The following ESYT2 variants were observed in gnomAD, a reference collection of about 807,000 sequenced individuals.
ESYT2 encodes the protein extended synaptotagmin 2.
In ESYT2, 54 loss-of-function variants were observed where a neutral mutation model predicts 107.2. The ratio of observed to expected loss-of-function variants is 0.50; its 90% confidence interval spans 0.40 to 0.63. The LOEUF (loss-of-function observed/expected upper bound fraction) is 0.63. ESYT2 is among the 30% of genes least tolerant of loss of function. The pLI, the probability that ESYT2 is intolerant of heterozygous loss-of-function variation, is 0.00. For synonymous variants in ESYT2, 491 were observed against 434.1 expected, an observed-to-expected ratio of 1.13 and a Z score of -1.63; for missense variants, 1,020 against 1,094.5, an observed-to-expected ratio of 0.93 and a Z score of 0.96.
chr7:158,745,207 CTAA>C (rs1462638216), intron 16 of ESYT2, among the ~76,000 whole-genome samples: 2 of 110,514 alleles, frequency 1.8e-5, no homozygotes, highest in Non-Finnish European at 4.4e-5. Context: ...ACTCACCTAT[CTAA>C]TGAGACAGGG....
intron 1 of ESYT2, among the ~76,000 whole-genome samples, chr7:158,805,422 G>T (rs1356207337): frequency 1.3e-5 from 2 of 152,258 alleles, no homozygotes; most frequent in East Asian, 3.9e-4. Context: ...AGGTAGAGAG[G>T]AATCTAAAAA....
chr7:158,780,792 G>T (rs1838751571), intron 6 of ESYT2, among the ~76,000 whole-genome samples: 2 of 152,204 alleles, frequency 1.3e-5, no homozygotes, highest in South Asian at 4.1e-4. Context: ...AAGAAAGAAG[G>T]CACCAGGCAA....
chr7:158,819,444 A>G (rs926985381), intron 1 of ESYT2, among the ~76,000 whole-genome samples: 12 of 152,248 alleles, frequency 7.9e-5, no homozygotes, highest in African/African-American at 2.7e-4. Context: ...ATCAGACATC[A>G]TTTAAATAAA....
At chr7:158,754,935 CTCAG>C (rs1837701934) in intron 13 of ESYT2, among the ~76,000 whole-genome samples, 1 of 152,124 alleles carries the variant, frequency 6.6e-6, no homozygotes, top group African/African-American at 2.4e-5. Flanking sequence ...CTGGAAAGTG[CTCAG>C]TAAGTATGCT....
rs1480720705 is a variant in ESYT2 at position 158,791,040 on chromosome 7, C to T, written c.584+2610G>A. ...CATAACGTGCAACCATCACCACCAT[C>T]CGTCTCCGGACCATTTTTCAACTTG... On this transcript the variant is annotated intron_variant, in intron 4 of 22. Transcript: ENST00000275418. Among the ~76,000 whole-genome samples, 3 of 152,304 alleles carry T rather than the reference C, an allele frequency of 2.0e-5. No homozygotes were observed. In the South Asian group the frequency reaches 6.2e-4, roughly 32 times the overall value.
intron 20 of ESYT2, 27 bp downstream of exon 20, chr7:158,737,021 T>C: frequency 6.2e-7 from 1 of 1,610,898 alleles, no homozygotes; most frequent in Non-Finnish European, 8.5e-7. Flanking sequence ...CCGGGCAGTC[T>C]ATCCTCAGCT....
At chr7:158,747,496 G>A (rs1345622577) in intron 16 of ESYT2, among the ~76,000 whole-genome samples, 1 of 152,062 alleles carries the variant, frequency 6.6e-6, no homozygotes, top group Non-Finnish European at 1.5e-5. Flanking sequence ...ATAAAAAGGT[G>A]CTCAACGTCA....
intron 1 of ESYT2, among the ~76,000 whole-genome samples, chr7:158,800,917 T>C (rs1839622436): frequency 6.6e-6 from 1 of 152,044 alleles, no homozygotes; most frequent in South Asian, 2.1e-4. Context: ...TTAGTAGAGA[T>C]GGGGTTTCAC....
intron 6 of ESYT2, among the ~76,000 whole-genome samples, chr7:158,785,357 G>A (rs978214165): frequency 6.6e-6 from 1 of 151,978 alleles, no homozygotes; most frequent in Admixed American, 6.6e-5. Flanking sequence ...CCCAGGAGGT[G>A]GAGGTTGCGG....
rs1839970634 is a variant in ESYT2, at chr7:158,810,708, A to G, written c.331-11636T>C. Among the ~76,000 whole-genome samples, 3 of 151,900 alleles carry G rather than the reference A, an allele frequency of 2.0e-5. No individual in the cohort carries two copies. The South Asian group carries it at 6.2e-4, about 32-fold the overall frequency. ...GGGGGGAAAAAAAAAGGCTCATCAT[A>G]AAGACTACATGTTATAATATTTCAT... On this transcript the variant is annotated intron_variant, in intron 1 of 22. Coordinates refer to ENST00000275418, the MANE Select transcript of ESYT2 (RefSeq NM_001367773.1).
Position 158,787,990 on chromosome 7 carries a change from A to G in ESYT2, c.747+14T>C. ...CCAAATGGGAAAATAAAAATGAAAT[A>G]AATATTGACTTACTGGTTTCCTAAG... On this transcript the variant is annotated intron_variant, in intron 6 of 22. Transcript: ENST00000275418. 1 of 1,601,292 alleles carries G rather than the reference A, an allele frequency of 6.2e-7. No homozygotes were observed. The highest frequency in any genetic ancestry group is 8.6e-7 in the Non-Finnish European group (1 of 1,168,864).
chr7:158,781,780 CAA>C (rs933959149), intron 6 of ESYT2, among the ~76,000 whole-genome samples: 1 of 150,838 alleles, frequency 6.6e-6, no homozygotes, highest in African/African-American at 2.4e-5. Flanking sequence ...AGAACGAGAA[CAA>C]GTGTGAACGA....
intron 6 of ESYT2, among the ~76,000 whole-genome samples, chr7:158,782,032 C>T (rs1189213): frequency 0.81 from 122,175 of 150,004 alleles, 50,365 homozygotes; most frequent in Non-Finnish European, 0.89. Context: ...GGTGTAAGTG[C>T]AAGAACGAGA....
At chr7:158,804,748 A>T (rs1839775801) in intron 1 of ESYT2, among the ~76,000 whole-genome samples, 1 of 151,964 alleles carries the variant, frequency 6.6e-6, no homozygotes, top group Non-Finnish European at 1.5e-5. Context: ...TGATAAACCC[A>T]AACTGCCGAG....
chr7:158,762,726 G>A (rs904051570), intron 10 of ESYT2, among the ~76,000 whole-genome samples: 22 of 152,216 alleles, frequency 1.4e-4, no homozygotes, highest in African/African-American at 5.1e-4. Flanking sequence ...TTTGCAATCT[G>A]GAATAGAACT....
intron 1 of ESYT2, 74 bp from the exon 2 acceptor site, chr7:158,799,146 A>C: frequency 5.3e-6 from 7 of 1,330,196 alleles, no homozygotes; most frequent in Non-Finnish European, 7.6e-6. Context: ...AGGCAATTTC[A>C]TATTCTCATC....
At chr7:158,767,835 C>T in intron 7 of ESYT2, 61 bp from the exon 8 acceptor site, 8 of 1,558,148 alleles carry the variant, frequency 5.1e-6, no homozygotes, top group Non-Finnish European at 6.1e-6. Context: ...CTTCTCTCAC[C>T]TTTGACAACA....
intron 1 of ESYT2, among the ~76,000 whole-genome samples, chr7:158,810,982 G>C (rs373729941): frequency 7.4e-6 from 1 of 134,358 alleles, no homozygotes; most frequent in Non-Finnish European, 1.6e-5. Context: ...GTGAATTATA[G>C]CTCAATACAG....
chr7:158,743,616 G>A lies in ESYT2; in HGVS notation c.1707C>T (p.Leu569=), dbSNP rs1190519506. ...GNLKVPLSQL[L]TSEDMTVSQR... ...GGCTCACAGTCATGTCCTCACTGGT[G>A]AGCAGCTGGCTGAGGGGGACCTTCA... The change falls in exon 17 of 23, where the codon CTC becomes CTT. Residue 569 remains leucine, a synonymous_variant. Coordinates refer to ENST00000275418, the MANE Select transcript of ESYT2 (RefSeq NM_001367773.1). 8 of 1,613,752 alleles carry A rather than the reference G, an allele frequency of 5.0e-6. No individual in the cohort carries two copies. Among genetic ancestry groups the A allele is most frequent in the East Asian group, 4.5e-5 (2 of 44,804 alleles).
Sources: gnomAD v4.1 joint callset for allele counts (sites outside exome capture counted in the v4.1 genomes callset) on GRCh38, gnomAD v4.1.1 for gene constraint, MANE v1.5 for transcripts, NCBI Gene and HGNC (gene_info 2026-07-23, HGNC 2026-07-21) for gene names.